The following CACNA1C variants were observed in gnomAD, a reference collection of about 807,000 sequenced individuals.
The protein encoded by CACNA1C is calcium voltage-gated channel subunit alpha1 C.
In CACNA1C, 30 loss-of-function variants were observed where a neutral mutation model predicts 229.0. That is an observed-to-expected ratio of 0.13 (90% CI 0.10 to 0.18). The LOEUF is 0.18. Among genes scored for constraint, CACNA1C ranks in the 10% least tolerant of loss-of-function variants. The pLI, the probability that CACNA1C is intolerant of heterozygous loss-of-function variation, is 1.00. For missense variants in CACNA1C, 1,658 were observed against 2,845.0 expected (o/e 0.58, Z 9.49); for synonymous variants, 1,114 against 1,132.5 (o/e 0.98, Z 0.33).
intron 3 of CACNA1C, among the ~76,000 whole-genome samples, chr12:2,303,506 C>T (rs1186766259): frequency 2.6e-5 from 4 of 152,082 alleles, no homozygotes; most frequent in Admixed American, 1.3e-4. Context: ...GGCTCACACC[C>T]GTAACCCCAG....
chr12:2,221,908 A>G (rs576426707), intron 3 of CACNA1C, among the ~76,000 whole-genome samples: 2 of 152,370 alleles, frequency 1.3e-5, no homozygotes, highest in African/African-American at 4.8e-5. Flanking sequence ...AAGATGTTCA[A>G]CTGCACTGCT....
chr12:2,615,822 G>T (rs760031711), intron 29 of CACNA1C, among the ~76,000 whole-genome samples: 35 of 151,690 alleles, frequency 2.3e-4, no homozygotes, highest in Non-Finnish European at 7.4e-5. Flanking sequence ...CAAGGGTACT[G>T]GGGGGGAGGA....
chr12:2,223,098 T>C (rs2061902990), intron 3 of CACNA1C, among the ~76,000 whole-genome samples: 1 of 152,210 alleles, frequency 6.6e-6, no homozygotes, highest in Admixed American at 6.5e-5. Flanking sequence ...AAATCCTTGA[T>C]TGTTCAAGGA....
chr12:2,415,234 T>A (rs145696917), intron 3 of CACNA1C, among the ~76,000 whole-genome samples: 2 of 152,342 alleles, frequency 1.3e-5, no homozygotes, highest in Non-Finnish European at 2.9e-5. Context: ...TCTCTAGTAA[T>A]TTTTGCTAGT....
At chr12:2,330,017 CCACT>C (rs1555448042) in intron 3 of CACNA1C, among the ~76,000 whole-genome samples, 3 of 152,180 alleles carry the variant, frequency 2.0e-5, no homozygotes, top group Non-Finnish European at 4.4e-5. Context: ...CACTGGAAAC[CCACT>C]CAGTGTGGTG....
chr12:2,153,787 G>A (rs1423740102), intron 3 of CACNA1C, among the ~76,000 whole-genome samples: 1 of 152,126 alleles, frequency 6.6e-6, no homozygotes, highest in Non-Finnish European at 1.5e-5. Flanking sequence ...AGCAAATGGT[G>A]CCTGCCTTGT....
chr12:2,692,807 TA>T lies in CACNA1C; in HGVS notation c.*1609del, dbSNP rs1424335899. On this transcript the variant is annotated 3_prime_UTR_variant, in exon 47 of 47. Transcript: ENST00000399655. ...CAGGTCAGTTTCAGTATTTTTCAAA[TA>T]TTTTTTTAAAACTGAATTGCAATTG... 2.6e-5 allele frequency: 4 copies of T among 152,712 alleles called. No homozygotes were observed. Among genetic ancestry groups the T allele is most frequent in the South Asian group, 2.1e-4 (1 of 4,828 alleles). The allele number at this position is 152,712 out of a possible 1,614,324, so 9.5% of individuals were successfully genotyped here.
chr12:2,515,275 G>C (rs1322280625), intron 9 of CACNA1C, among the ~76,000 whole-genome samples: 1 of 152,228 alleles, frequency 6.6e-6, no homozygotes, highest in African/African-American at 2.4e-5. Flanking sequence ...GCTGGGAAGA[G>C]ACTGTGTCTG....
At position 2,679,835 on chromosome 12, in the gene CACNA1C, C is replaced by A; in HGVS notation, c.5444+39C>A. On this transcript the variant is annotated intron_variant, in intron 42 of 46. Coordinates refer to ENST00000399655, the MANE Select transcript of CACNA1C (RefSeq NM_000719.7). This position sits in a 1 kb window ranked among gnomAD's most constrained non-coding sequence, Gnocchi z 5.5. ...TGGCCACCCCAGGCGGCACACAGGG[C>A]CCACGTGCTGCAACCCTCAGGAGAC... 7.2e-7 allele frequency: 1 copy of A among 1,394,526 alleles called. No homozygotes were observed. The highest frequency in any genetic ancestry group is 1.3e-5 in the South Asian group (1 of 74,728). The allele number at this position is 1,394,526 out of a possible 1,614,324, so 86.4% of individuals were successfully genotyped here. A position where few individuals can be genotyped will look rare whatever the true frequency, so the allele number is the denominator to read the frequency against.
chr12:2,662,261 G>A (rs1322912276), intron 34 of CACNA1C, among the ~76,000 whole-genome samples: 3 of 148,732 alleles, frequency 2.0e-5, no homozygotes, highest in Non-Finnish European at 4.4e-5. Flanking sequence ...AAACAAGACA[G>A]GAAAAATAAA....
intron 3 of CACNA1C, among the ~76,000 whole-genome samples, chr12:2,435,646 A>G (rs1335737682): frequency 6.6e-6 from 1 of 152,212 alleles, no homozygotes; most frequent in African/African-American, 2.4e-5. Context: ...CATGTTGTCA[A>G]CCATGACATG....
chr12:2,024,986 C>T (rs913889198), intron 1 of CACNA1C, among the ~76,000 whole-genome samples: 1 of 152,204 alleles, frequency 6.6e-6, no homozygotes, highest in African/African-American at 2.4e-5. Flanking sequence ...GGAGTGCCAA[C>T]TTTTCTTCAC....
At chr12:2,431,703 G>C (rs2099086800) in intron 3 of CACNA1C, among the ~76,000 whole-genome samples, 1 of 152,120 alleles carries the variant, frequency 6.6e-6, no homozygotes, top group Non-Finnish European at 1.5e-5. Flanking sequence ...CAAGAACTAG[G>C]GGTCAAGGGT....
Position 2,665,844 on chromosome 12 carries a change from G to GTGAT in CACNA1C, c.4526+136_4526+137insTGAT. On this transcript the variant is annotated intron_variant, in intron 36 of 46. Coordinates refer to ENST00000399655, the MANE Select transcript of CACNA1C (RefSeq NM_000719.7). This position sits in a 1 kb window ranked among gnomAD's most constrained non-coding sequence, Gnocchi z 5.9. The stretch of plus-strand genomic sequence containing the variant: ...ACTGGATTGTATCACACCCTAGGGT[G>GTGAT]AAAGGTCAAGGGCCAGCAGGAGGAG... 1.2e-6 allele frequency: 1 copy of GTGAT among 860,160 alleles called. No homozygotes were observed. Among genetic ancestry groups the GTGAT allele is most frequent in the Non-Finnish European group, 1.7e-6 (1 of 586,062 alleles). 53.3% of individuals were successfully genotyped at this position (860,160 alleles called of 1,614,324 possible).
chr12:2,043,369 GC>G (rs1472470121), intron 1 of CACNA1C, among the ~76,000 whole-genome samples: 2 of 152,168 alleles, frequency 1.3e-5, no homozygotes, highest in Non-Finnish European at 2.9e-5. Flanking sequence ...TCCAGAGGGG[GC>G]TAGTGAGAGG....
In CACNA1C at chr12:2,493,431, C is replaced by T. The variant is rs376893480; in HGVS notation, c.1113+45C>T. ...AGTCAGAGGGTGGGGGAACAGCGGC[C>T]GTGAACCCTTCCCTGACACCTCCCT... On this transcript the variant is annotated intron_variant, in intron 7 of 46. Transcript: ENST00000399655. The surrounding 1 kb of genome is among the most constrained non-coding windows in gnomAD (Gnocchi z 4.6). 83 of 1,468,660 alleles carry T rather than the reference C, an allele frequency of 5.7e-5. No individual in the cohort carries two copies. The highest frequency in any genetic ancestry group is 8.4e-5 in the Admixed American group (5 of 59,188). The allele number at this position is 1,468,660 out of a possible 1,614,324, so 91.0% of individuals were successfully genotyped here. A position where few individuals can be genotyped will look rare whatever the true frequency, so the allele number is the denominator to read the frequency against.
chr12:2,199,435 TC>T (rs913235370), intron 3 of CACNA1C, among the ~76,000 whole-genome samples: 2 of 152,308 alleles, frequency 1.3e-5, no homozygotes, highest in Admixed American at 6.5e-5. Context: ...ATATATTTTT[TC>T]TGCCTTAGGA....
In CACNA1C at chr12:2,457,936, C is replaced by T. The variant is rs556192855; in HGVS notation, c.757+230C>T. The stretch of plus-strand genomic sequence containing the variant: ...GGAAACTCCTGGAGAAAGTTCACAG[C>T]AGTCACTCAGCCACATGAATCCTAC... On this transcript the variant is annotated intron_variant, in intron 5 of 46. Transcript: ENST00000399655. 6.6e-5 allele frequency among the ~76,000 whole-genome samples: 10 copies of T among 152,344 alleles called. No homozygotes were observed. The South Asian group carries it at 2.1e-3, about 32-fold the overall frequency.
At position 2,380,836 on chromosome 12, in the gene CACNA1C, TG is replaced by T. The variant is rs978059701; in HGVS notation, c.478-68134del. On this transcript the variant is annotated intron_variant, in intron 3 of 46. Coordinates refer to ENST00000399655, the MANE Select transcript of CACNA1C (RefSeq NM_000719.7). The stretch of plus-strand genomic sequence containing the variant: ...TTTGGGGGCCCTGCTTGGGAGTGGG[TG>T]GGGGGCAATGTCCTCATTACAGCAC... Among the ~76,000 whole-genome samples the T allele has an allele frequency of 2.6e-5, 4 of 152,060 alleles. No individual in the cohort carries two copies. The South Asian group carries it at 6.3e-4, about 24-fold the overall frequency.
Sources: allele counts gnomAD v4.1 joint callset (sites outside exome capture counted in the v4.1 genomes callset), GRCh38; gene constraint gnomAD v4.1.1; non-coding constraint Gnocchi (gnomAD v3.1); transcripts MANE v1.5; gene names NCBI Gene and HGNC (gene_info 2026-07-23, HGNC 2026-07-21).